DPY19L2: variants seen among roughly 807,000 people sequenced by gnomAD.
The protein encoded by DPY19L2 is probable C-mannosyltransferase DPY19L2.
In DPY19L2, 34 loss-of-function variants were observed where a neutral mutation model predicts 97.9. The ratio of observed to expected loss-of-function variants is 0.35; its 90% CI spans 0.26 to 0.46. The LOEUF (loss-of-function observed/expected upper bound fraction) is 0.46, where lower values mean the gene tolerates loss of function less well. Among genes scored for constraint, DPY19L2 ranks in the 20% least tolerant of loss-of-function variants. The pLI, the probability that DPY19L2 is intolerant of heterozygous loss-of-function variation, is 1.00. For missense variants in DPY19L2, 623 were observed against 911.4 expected (o/e 0.68, Z 4.07); for synonymous variants, 230 against 307.9 (o/e 0.75, Z 2.65).
upstream of DPY19L2, chr12:63,668,688 C>A (rs1318937473): frequency 1.5e-5 from 6 of 395,426 alleles, no homozygotes; most frequent in Admixed American, 2.1e-4. Context: ...ACGCACAGCC[C>A]CCCACACCCT....
chr12:63,629,878 C>G (rs1029486784), intron 6 of DPY19L2, among the ~76,000 whole-genome samples: 40 of 152,158 alleles, frequency 2.6e-4, no homozygotes, highest in Non-Finnish European at 1.3e-4. Flanking sequence ...TTGGCAGAAA[C>G]TCTACAAGCC....
At chr12:63,616,895 T>C (rs1243493200) in intron 11 of DPY19L2, among the ~76,000 whole-genome samples, 2 of 152,068 alleles carry the variant, frequency 1.3e-5, no homozygotes, top group Non-Finnish European at 1.5e-5. Context: ...AATCCACTCT[T>C]GAAAGGCAAG....
chr12:63,567,334 T>C (rs1877930123), intron 21 of DPY19L2, among the ~76,000 whole-genome samples: 1 of 152,064 alleles, frequency 6.6e-6, no homozygotes, highest in Non-Finnish European at 1.5e-5. Flanking sequence ...TGCTCTTTTT[T>C]TCCCCACTGT....
chr12:63,666,773 AG>A (rs1221679825), intron 1 of DPY19L2, among the ~76,000 whole-genome samples: 2 of 152,108 alleles, frequency 1.3e-5, no homozygotes, highest in African/African-American at 2.4e-5. Flanking sequence ...TGGCTATTCC[AG>A]AAGTCCCACC....
At chr12:63,582,568 T>C (rs766267996) in intron 17 of DPY19L2, 43 bp from the exon 18 acceptor site, 3 of 1,569,472 alleles carry the variant, frequency 1.9e-6, no homozygotes, top group East Asian at 2.4e-5. Flanking sequence ...TTACTTTTCA[T>C]ATTTTTAAAT....
intron 11 of DPY19L2, among the ~76,000 whole-genome samples, chr12:63,612,127 C>T (rs954542125): frequency 4.6e-4 from 70 of 152,134 alleles, no homozygotes; most frequent in African/African-American, 1.6e-3. Flanking sequence ...AGTCAAGCAG[C>T]ATCTTTTAAA....
At chr12:63,611,580 C>G (rs1169410908) in intron 11 of DPY19L2, among the ~76,000 whole-genome samples, 1 of 151,638 alleles carries the variant, frequency 6.6e-6, no homozygotes. Context: ...TAACTAGAGA[C>G]ACAAAAATAC....
rs574607144 is a variant in DPY19L2 at position 63,622,260 on chromosome 12, C to T, written c.954-923G>A. Among the ~76,000 whole-genome samples, 222 of 152,180 alleles carry T rather than the reference C, an allele frequency of 1.5e-3. 1 individual carries two copies. The highest frequency in any genetic ancestry group is 4.9e-3 in the African/African-American group (204 of 41,526). On this transcript the variant is annotated intron_variant, in intron 8 of 21. Transcript: ENST00000324472. ...CCCCTGACTGACCAGACTGATATCA[C>T]TTCAAAAAATAAAAATAACCCACCT... is the stretch of plus-strand genomic sequence containing the variant.
At chr12:63,628,041 C>T (rs1312042216) in intron 6 of DPY19L2, among the ~76,000 whole-genome samples, 1 of 152,112 alleles carries the variant, frequency 6.6e-6, no homozygotes, top group Admixed American at 6.6e-5. Context: ...AATGGAGGAA[C>T]TGGGGAAATG....
intron 6 of DPY19L2, among the ~76,000 whole-genome samples, chr12:63,632,818 T>C (rs1267336571): frequency 6.6e-6 from 1 of 152,040 alleles, no homozygotes; most frequent in African/African-American, 2.4e-5. Context: ...CAAACTATAC[T>C]ACAAGGCTAC....
intron 11 of DPY19L2, among the ~76,000 whole-genome samples, chr12:63,613,866 G>A (rs1887412498): frequency 6.6e-6 from 1 of 151,924 alleles, no homozygotes; most frequent in Non-Finnish European, 1.5e-5. Flanking sequence ...AACCCTTTTG[G>A]ACAGAAGTAA....
upstream of DPY19L2, chr12:63,668,582 G>C (rs899778490): frequency 1.2e-4 from 75 of 632,376 alleles, no homozygotes; most frequent in African/African-American, 1.3e-3. Flanking sequence ...ATTCGCGCGG[G>C]CAGTCCCTGA....
chr12:63,658,994 G>C lies in DPY19L2; in HGVS notation c.588+2350C>G, dbSNP rs191807396. On this transcript the variant is annotated intron_variant, in intron 4 of 21. Transcript: ENST00000324472. ...TGTCTTGACTGGTGATGGTTTTGCA[G>C]GTGGGCCAAAACTAATCAAACTTTA... Among the ~76,000 whole-genome samples, 293 of 152,220 alleles carry C rather than the reference G, an allele frequency of 1.9e-3. 1 individual carries two copies. The highest frequency in any genetic ancestry group is 6.8e-3 in the African/African-American group (284 of 41,526).
intron 11 of DPY19L2, among the ~76,000 whole-genome samples, chr12:63,616,651 G>A (rs1193201641): frequency 2.6e-5 from 4 of 152,098 alleles, no homozygotes; most frequent in African/African-American, 9.7e-5. Context: ...ATCCAAAAGA[G>A]TGTCATTCCA....
At chr12:63,600,012 C>G (rs1884873682) in intron 13 of DPY19L2, among the ~76,000 whole-genome samples, 1 of 152,102 alleles carries the variant, frequency 6.6e-6, no homozygotes, top group Admixed American at 6.5e-5. Flanking sequence ...ATGATGTAAA[C>G]AACTAATTAT....
chr12:63,661,567 GA>G (rs77582486), intron 3 of DPY19L2, 86 bp from the exon 4 acceptor site: 1,807 of 644,758 alleles, frequency 2.8e-3, no homozygotes, highest in Middle Eastern at 5.2e-3. Flanking sequence ...CTTTTTTTCT[GA>G]AAAAAAAAAA....
intron 19 of DPY19L2, 138 bp downstream of exon 19, chr12:63,580,524 G>T (rs1880679955): frequency 3.3e-6 from 3 of 902,142 alleles, no homozygotes; most frequent in East Asian, 6.1e-5. Flanking sequence ...CAAAGTCTGT[G>T]AGAGTATGAA....
At chr12:63,583,346 A>T (rs952554415) in intron 17 of DPY19L2, among the ~76,000 whole-genome samples, 1 of 152,168 alleles carries the variant, frequency 6.6e-6, no homozygotes, top group East Asian at 1.9e-4. Context: ...ACACCATATA[A>T]AATGTTGTCT....
At chr12:63,562,681 A>T (rs1172798483) in intron 21 of DPY19L2, among the ~76,000 whole-genome samples, 1 of 151,860 alleles carries the variant, frequency 6.6e-6, no homozygotes, top group Non-Finnish European at 1.5e-5. Context: ...TTTTTCAATT[A>T]TAGCTATTTT....
Sources: gnomAD v4.1 joint callset for allele counts (sites outside exome capture counted in the v4.1 genomes callset) on GRCh38, gnomAD v4.1.1 for gene constraint, MANE v1.5 for transcripts, NCBI Gene and HGNC (gene_info 2026-07-23, HGNC 2026-07-21) for gene names.